Variants in ZDHHC8 observed in about 807,000 individuals in gnomAD.
ZDHHC8 encodes zDHHC palmitoyltransferase 8, also known as palmitoyltransferase ZDHHC8.
ZDHHC8 carries 24 observed loss-of-function variants against 61.2 expected under a neutral mutation model. That is an observed-to-expected ratio of 0.39 (90% CI 0.28 to 0.55). ZDHHC8 has a LOEUF of 0.55. Among genes scored for constraint, ZDHHC8 ranks in the 20% least tolerant of loss-of-function variants. The pLI is 0.60. For synonymous variants in ZDHHC8, 523 were observed against 492.5 expected, an observed-to-expected ratio of 1.06 and a Z score of -0.82; for missense variants, 935 against 1,102.1, an observed-to-expected ratio of 0.85 and a Z score of 2.15.
At chr22:20,144,983 G>A (rs982861906) in intron 10 of ZDHHC8, among the ~76,000 whole-genome samples, 5 of 152,110 alleles carry the variant, frequency 3.3e-5, no homozygotes, top group African/African-American at 1.2e-4. Flanking sequence ...CGGGAGGGTG[G>A]TGGCAGTTCT....
rs769668968 is a variant in ZDHHC8, at chr22:20,141,484, C to T, written c.1079C>T (p.Ala360Val). The T allele has an allele frequency of 6.2e-6, 10 of 1,613,254 alleles. No individual in the cohort carries two copies. Among genetic ancestry groups the T allele is most frequent in the Non-Finnish European group, 8.5e-6 (10 of 1,179,934 alleles). Residue 360 changes from alanine to valine, a missense_variant, in exon 9 of 11, where the codon GCT becomes GTT. Ala to Val is a moderately conservative substitution (Grantham distance 64). This residue lies in a region of ZDHHC8 where 692 missense variants were observed against 731.4 expected (regional missense o/e 0.95). Coordinates refer to ENST00000334554, the MANE Select transcript of ZDHHC8 (RefSeq NM_013373.4). ...PTPAMYKFRPAFPTGPKVPFC... is the reference protein window; with the variant it reads ...PTPAMYKFRPVFPTGPKVPFC... Reference sequence around the variant, plus strand: ...CCTGCCATGTACAAGTTTAGGCCGGCTTTCCCCACGGGTCCCAAGGTGCCC... The same window carrying T: ...CCTGCCATGTACAAGTTTAGGCCGGTTTTCCCCACGGGTCCCAAGGTGCCC...
In ZDHHC8 at chr22:20,147,761, A is replaced by AGT; in HGVS notation, c.*2361_*2362insGT. On this transcript the variant is annotated 3_prime_UTR_variant, in exon 11 of 11. Transcript: ENST00000334554. The stretch of plus-strand genomic sequence containing the variant: ...CCACTGGGGCTGCCTGCACCCAGAG[A>AGT]CGATGCCGGCGGGATCTCAGAGGGC... 1 of 152,654 alleles carries AGT rather than the reference A, an allele frequency of 6.6e-6. No homozygotes were observed. 9.5% of individuals were successfully genotyped at this position (152,654 alleles called of 1,614,324 possible). A position where few individuals can be genotyped will look rare whatever the true frequency, so the allele number is the denominator to read the frequency against.
chr22:20,142,965 T>C lies in ZDHHC8; in HGVS notation c.1335T>C (p.His445=), dbSNP rs762803438. 6.2e-7 allele frequency: 1 copy of C among 1,601,978 alleles called. No homozygotes were observed. The highest frequency in any genetic ancestry group is 8.5e-7 in the Non-Finnish European group (1 of 1,172,746). Residue 445 remains histidine (H), a synonymous_variant, in exon 10 of 11, where the codon CAT becomes CAC. Coordinates refer to ENST00000334554, the MANE Select transcript of ZDHHC8 (RefSeq NM_013373.4). ...CCTCGAGCCGGCGGGGCGGGGATCA[T>C]GTGGCCCTGCAGCCCCTGCGCTCTG... The part of the protein sequence containing the change: ...LKASSRRGGD[H]VALQPLRSEG...
At position 20,143,097 on chromosome 22, in the gene ZDHHC8, T is replaced by G. The variant is rs1270469135; in HGVS notation, c.1467T>G (p.Gly489=). The G allele has an allele frequency of 6.2e-7, 1 of 1,612,346 alleles. No homozygotes were observed. The highest frequency in any genetic ancestry group is 1.3e-5 in the African/African-American group (1 of 75,036). Reference sequence around the variant, plus strand: ...GCCTGCTCAATCCTGGCTCGCCTGGTGGCCACGCCTGCCCTGCCCACCCAG... The same window carrying G: ...GCCTGCTCAATCCTGGCTCGCCTGGGGGCCACGCCTGCCCTGCCCACCCAG... ...YDSLLNPGSP[G]GHACPAHPAV... is the part of the protein sequence containing the mutation. The change falls in exon 10 of 11, where the codon GGT becomes GGG. Residue 489 remains glycine (G), a synonymous_variant. Coordinates refer to ENST00000334554, the MANE Select transcript of ZDHHC8 (RefSeq NM_013373.4).
intron 1 of ZDHHC8, among the ~76,000 whole-genome samples, chr22:20,137,826 T>G (rs1602568407): frequency 6.7e-6 from 1 of 150,274 alleles, no homozygotes; most frequent in South Asian, 2.1e-4. Context: ...CTGGGGAGGG[T>G]GGAAGGAAGC....
Position 20,147,400 on chromosome 22 carries a change from C to T in ZDHHC8, c.*2000C>T, listed in dbSNP as rs1006470746. 1.3e-5 allele frequency: 9 copies of T among 681,306 alleles called. No individual in the cohort carries two copies. In the East Asian group the frequency reaches 3.0e-4, roughly 23 times the overall value. The allele number at this position is 681,306 out of a possible 1,614,324, so 42.2% of individuals were successfully genotyped here. A position where few individuals can be genotyped will look rare whatever the true frequency, so the allele number is the denominator to read the frequency against. ...GCCAGGGCCTGAGACCCTGTGTCCA[C>T]ATGACCTCAGGGAGTCCCCCACCTG... On this transcript the variant is annotated 3_prime_UTR_variant, in exon 11 of 11. Coordinates refer to ENST00000334554, the MANE Select transcript of ZDHHC8 (RefSeq NM_013373.4).
intron 1 of ZDHHC8, among the ~76,000 whole-genome samples, chr22:20,134,850 G>C (rs755918857): frequency 9.2e-5 from 14 of 152,186 alleles, no homozygotes; most frequent in Non-Finnish European, 1.3e-4. Context: ...CAGTTGTGAA[G>C]AGCACCCTCT....
Position 20,143,610 on chromosome 22 carries a change from C to T in ZDHHC8, c.1980C>T (p.Pro660=), listed in dbSNP as rs1358776866. ...GCAGCAACGCCCCGGGGCCCCGGCC[C>T]AGCAGTGGCTCACACAGGTCACCTG... The part of the protein sequence containing the change: ...QASSNAPGPR[P]SSGSHRSPAR... The change falls in exon 10 of 11, where the codon CCC becomes CCT. Residue 660 remains proline (P), a synonymous_variant. Transcript: ENST00000334554. 1.9e-6 allele frequency: 3 copies of T among 1,603,228 alleles called. No homozygotes were observed. Among genetic ancestry groups the T allele is most frequent in the East Asian group, 4.5e-5 (2 of 44,834 alleles).
chr22:20,143,987 G>A (rs2050499794), intron 10 of ZDHHC8, among the ~76,000 whole-genome samples: 1 of 152,214 alleles, frequency 6.6e-6, no homozygotes, highest in Admixed American at 6.5e-5. Flanking sequence ...GAGAATTTGT[G>A]TCCTGAGCCC....
intron 10 of ZDHHC8, among the ~76,000 whole-genome samples, chr22:20,144,232 G>A (rs1193520369): frequency 2.0e-5 from 3 of 152,108 alleles, no homozygotes; most frequent in Admixed American, 6.5e-5. Context: ...CTGAGTGGCC[G>A]GGCCCTGGCC....
At chr22:20,145,150 C>G (rs1233498676) in intron 10 of ZDHHC8, 79 bp from the exon 11 acceptor site, 10 of 1,295,262 alleles carry the variant, frequency 7.7e-6, no homozygotes, top group Non-Finnish European at 1.0e-5. Context: ...TCGTCTCTGT[C>G]TTGCTGCCTC....
At position 20,145,651 on chromosome 22, in the gene ZDHHC8, C is replaced by T; in HGVS notation, c.*251C>T. ...TGGGCTGGTCTGTGTCTGGGCCTGT[C>T]CCATGGCTGGGGCAGTGAGGGGGCC... On this transcript the variant is annotated 3_prime_UTR_variant, in exon 11 of 11. Transcript: ENST00000334554. 1 of 1,139,122 alleles carries T rather than the reference C, an allele frequency of 8.8e-7. No individual in the cohort carries two copies. The highest frequency in any genetic ancestry group is 1.1e-6 in the Non-Finnish European group (1 of 927,954). 70.6% of individuals were successfully genotyped at this position (1,139,122 alleles called of 1,614,324 possible). A position where few individuals can be genotyped will look rare whatever the true frequency, so the allele number is the denominator to read the frequency against.
At chr22:20,132,448 C>T (rs1234080522) in intron 1 of ZDHHC8, among the ~76,000 whole-genome samples, 1 of 152,212 alleles carries the variant, frequency 6.6e-6, no homozygotes, top group Non-Finnish European at 1.5e-5. Context: ...TGCAGGTGGC[C>T]GTGGGTGCCT....
chr22:20,147,033 C>T lies in ZDHHC8; in HGVS notation c.*1633C>T. ...CCGCGGCCCGCAGGGGGCGGATTGG[C>T]ACCTGCACCCGTGGATGGGGGCGGC... is the stretch of plus-strand genomic sequence containing the variant. On this transcript the variant is annotated 3_prime_UTR_variant, in exon 11 of 11. Coordinates refer to ENST00000334554, the MANE Select transcript of ZDHHC8 (RefSeq NM_013373.4). 1.4e-6 allele frequency: 2 copies of T among 1,434,672 alleles called. No homozygotes were observed. Among genetic ancestry groups the T allele is most frequent in the Admixed American group, 3.1e-5 (1 of 32,656 alleles). The allele number at this position is 1,434,672 out of a possible 1,614,324, so 88.9% of individuals were successfully genotyped here.
chr22:20,143,927 G>A (rs1215323470), intron 10 of ZDHHC8, among the ~76,000 whole-genome samples, 171 bp downstream of exon 10: 18 of 152,224 alleles, frequency 1.2e-4, no homozygotes, highest in Admixed American at 7.2e-4. Flanking sequence ...TGGCTAGCCC[G>A]TGTGGCCCAG....
chr22:20,145,750 G>A lies in ZDHHC8; in HGVS notation c.*350G>A, dbSNP rs1156566225. 7.0e-6 allele frequency: 7 copies of A among 1,004,146 alleles called. No homozygotes were observed. The highest frequency in any genetic ancestry group is 6.0e-5 in the Admixed American group (1 of 16,710). The allele number at this position is 1,004,146 out of a possible 1,614,324, so 62.2% of individuals were successfully genotyped here. ...CCATCACCCAGCACCCCAGATCACC[G>A]CCAGGCCAGCCCCCAATGGTCCCCT... On this transcript the variant is annotated 3_prime_UTR_variant, in exon 11 of 11. Coordinates refer to ENST00000334554, the MANE Select transcript of ZDHHC8 (RefSeq NM_013373.4).
rs999478175 is a variant in ZDHHC8, at chr22:20,140,220, G to A, written c.660+3G>A. ...GGGGGCGCACCACCAACGAGCAGGT[G>A]CAGACCCCATGGGGGATGGGTGGCC... is the stretch of plus-strand genomic sequence containing the variant. On this transcript the variant is annotated splice_donor_region_variant and intron_variant, in intron 5 of 10. Coordinates refer to ENST00000334554, the MANE Select transcript of ZDHHC8 (RefSeq NM_013373.4). 2 of 1,611,238 alleles carry A rather than the reference G, an allele frequency of 1.2e-6. No individual in the cohort carries two copies. The highest frequency in any genetic ancestry group is 1.3e-5 in the African/African-American group (1 of 74,932).
Position 20,132,034 on chromosome 22 carries a change from C to G in ZDHHC8, c.87C>G (p.Thr29=), listed in dbSNP as rs781192661. Residue 29 remains threonine, a synonymous_variant, in exon 1 of 11, where the codon ACC becomes ACG. Coordinates refer to ENST00000334554, the MANE Select transcript of ZDHHC8 (RefSeq NM_013373.4). ...TAAALLVGSS[T]LFFVFTCPWL... is the part of the protein sequence containing the mutation. ...CCGCGCTGCTGGTCGGCTCCAGCAC[C>G]CTCTTCTTCGTGTTCACGTGAGTCG... 3.7e-6 allele frequency: 5 copies of G among 1,365,826 alleles called. No homozygotes were observed. The East Asian group carries it at 1.8e-4, about 50-fold the overall frequency. The allele number at this position is 1,365,826 out of a possible 1,614,324, so 84.6% of individuals were successfully genotyped here.
chr22:20,139,641 C>T lies in ZDHHC8; in HGVS notation c.384+6C>T, dbSNP rs767522292. 3.3e-5 allele frequency: 54 copies of T among 1,612,186 alleles called. No homozygotes were observed. The South Asian group carries it at 3.4e-4, about 10-fold the overall frequency. On this transcript the variant is annotated splice_donor_region_variant and intron_variant, in intron 3 of 10. Transcript: ENST00000334554. ...TCTGTGACAACTGTGTAGAGGTGACCGCCCTGCTGCCCCGCGCTCCCCCAG... is the reference window on the plus strand; with the variant it reads ...TCTGTGACAACTGTGTAGAGGTGACTGCCCTGCTGCCCCGCGCTCCCCCAG...
Sources: allele counts gnomAD v4.1 joint callset (sites outside exome capture counted in the v4.1 genomes callset), GRCh38; gene constraint gnomAD v4.1.1; regional missense constraint gnomAD v4.1.1; transcripts MANE v1.5; gene names NCBI Gene and HGNC (gene_info 2026-07-23, HGNC 2026-07-21).